The following PUM2 variants were observed in gnomAD, a reference collection of about 807,000 sequenced individuals.
PUM2 encodes the protein pumilio homolog 2.
Under a neutral mutation model 124.5 loss-of-function variants are expected in PUM2, and 57 were observed. That is an observed-to-expected ratio of 0.46 (90% CI 0.37 to 0.57). The LOEUF (loss-of-function observed/expected upper bound fraction) is 0.57. Among genes scored for constraint, PUM2 ranks in the 20% least tolerant of loss-of-function variants. The pLI, the probability that PUM2 is intolerant of heterozygous loss-of-function variation, is 0.00. For missense variants in PUM2, 1,065 were observed against 1,290.6 expected (o/e 0.83, Z 2.68); for synonymous variants, 460 against 446.1 (o/e 1.03, Z -0.39).
chr2:20,340,649 T>C (rs1687043983), intron 1 of PUM2, among the ~76,000 whole-genome samples: 1 of 152,234 alleles, frequency 6.6e-6, no homozygotes. Flanking sequence ...TTTTTATTAG[T>C]ATTTTTTAGG....
chr2:20,322,832 A>C lies in PUM2; in HGVS notation c.52-4187T>G, dbSNP rs78984569. On this transcript the variant is annotated intron_variant, in intron 2 of 20. Transcript: ENST00000361078. ...ACAAAAAACAAAAAACAAACAAAACAAACAACAACAACAACAAATGAAACA... is the reference window on the plus strand; with the variant it reads ...ACAAAAAACAAAAAACAAACAAAACCAACAACAACAACAACAAATGAAACA... Among the ~76,000 whole-genome samples, 1,114 of 152,168 alleles carry C rather than the reference A, an allele frequency of 7.3e-3. 20 individuals are homozygous for C. Among genetic ancestry groups the C allele is most frequent in the African/African-American group, 0.024 (1,001 of 41,506 alleles).
intron 12 of PUM2, among the ~76,000 whole-genome samples, chr2:20,280,115 C>G (rs1309424367): frequency 6.6e-6 from 1 of 151,860 alleles, no homozygotes; most frequent in Admixed American, 6.6e-5. Context: ...ATGGGTAGAC[C>G]AAGGTAAGAG....
chr2:20,284,366 T>C (rs891762705), intron 10 of PUM2, among the ~76,000 whole-genome samples: 10 of 152,156 alleles, frequency 6.6e-5, no homozygotes, highest in African/African-American at 1.7e-4. Flanking sequence ...AACTTTTTTT[T>C]CCCTTAAAGA....
chr2:20,350,842 C>T lies in PUM2; in HGVS notation c.-264G>A. On this transcript the variant is annotated 5_prime_UTR_variant, in exon 1 of 21. Transcript: ENST00000361078. ...TGGCTGCCACCGCCGCCTGCCCTCC[C>T]CTCCCCCCCGCCCACCGGGCGCGCG... 3 of 969,942 alleles carry T rather than the reference C, an allele frequency of 3.1e-6. No homozygotes were observed. Among genetic ancestry groups the T allele is most frequent in the Non-Finnish European group, 3.7e-6 (3 of 816,040 alleles). The allele number at this position is 969,942 out of a possible 1,614,324, so 60.1% of individuals were successfully genotyped here.
intron 3 of PUM2, among the ~76,000 whole-genome samples, chr2:20,314,232 G>T (rs2148648042): frequency 6.6e-6 from 1 of 152,194 alleles, no homozygotes; most frequent in Admixed American, 6.5e-5. Context: ...GTTACGCACT[G>T]GATAGATCAG....
In PUM2 at chr2:20,249,606, A is replaced by C. The variant is rs538387463; in HGVS notation, c.*1979T>G. The C allele has an allele frequency of 2.6e-5, 4 of 152,786 alleles. No homozygotes were observed. Among genetic ancestry groups the C allele is most frequent in the African/African-American group, 7.2e-5 (3 of 41,590 alleles). The allele number at this position is 152,786 out of a possible 1,614,324, so 9.5% of individuals were successfully genotyped here. On this transcript the variant is annotated 3_prime_UTR_variant, in exon 21 of 21. Coordinates refer to ENST00000361078, the MANE Select transcript of PUM2 (RefSeq NM_015317.5). ...TATTTTTAGGTTCATAATATGAACAACTAAGTGATAAAACCTTTAGATTCC... is the reference window on the plus strand; with the variant it reads ...TATTTTTAGGTTCATAATATGAACACCTAAGTGATAAAACCTTTAGATTCC...
intron 1 of PUM2, among the ~76,000 whole-genome samples, chr2:20,333,716 C>T (rs960077118): frequency 6.6e-6 from 1 of 152,072 alleles, no homozygotes; most frequent in African/African-American, 2.4e-5. Context: ...AGTTCAAGAC[C>T]AGCCCTTGCA....
In PUM2 at chr2:20,260,439, A is replaced by T; in HGVS notation, c.2253T>A (p.Ala751=). The T allele has an allele frequency of 6.2e-7, 1 of 1,609,554 alleles. No homozygotes were observed. Among genetic ancestry groups the T allele is most frequent in the South Asian group, 1.1e-5 (1 of 90,940 alleles). Residue 751 remains alanine (A), a synonymous_variant, in exon 15 of 21, where the codon GCT becomes GCA. Coordinates refer to ENST00000361078, the MANE Select transcript of PUM2 (RefSeq NM_015317.5). ...ATACCATCTGTCGCTCAGCTGGAGT[A>T]GCTCTCTCTAGTTTTTGCTGTATGA... ...SRFIQQKLER[A]TPAERQMVFN...
intron 7 of PUM2, among the ~76,000 whole-genome samples, chr2:20,304,373 T>C (rs1458343868): frequency 6.6e-6 from 1 of 152,240 alleles, no homozygotes; most frequent in Admixed American, 6.5e-5. Flanking sequence ...GCCAAGTACA[T>C]GGGTTAAGCC....
Position 20,258,650 on chromosome 2 carries a change from CTTTTT to C in PUM2, c.2356-284_2356-280del, listed in dbSNP as rs1057217780. ...TGAACATCTTTACAAAACCCTTCAT[CTTTTT>C]TTTTTTTTTTTTTTTTTTTTGTTGA... On this transcript the variant is annotated intron_variant, in intron 15 of 20. Transcript: ENST00000361078. 1.2e-3 allele frequency among the ~76,000 whole-genome samples: 108 copies of C among 93,852 alleles called. 1 individual carries two copies. The highest frequency in any genetic ancestry group is 2.0e-3 in the Non-Finnish European group (101 of 50,650). The allele number at this position is 93,852 out of a possible 152,430, so 61.6% of individuals were successfully genotyped here. A position where few individuals can be genotyped will look rare whatever the true frequency, so the allele number is the denominator to read the frequency against.
chr2:20,323,556 A>C (rs181817589), intron 2 of PUM2, among the ~76,000 whole-genome samples: 82 of 152,232 alleles, frequency 5.4e-4, no homozygotes, highest in Admixed American at 2.0e-4. Context: ...ACATGACTTA[A>C]CTTACTGACC....
chr2:20,259,073 C>T (rs1236812444), intron 15 of PUM2, among the ~76,000 whole-genome samples: 1 of 152,304 alleles, frequency 6.6e-6, no homozygotes, highest in East Asian at 1.9e-4. Context: ...GAGGAAAAAA[C>T]TGTTAAAGTC....
At chr2:20,275,871 C>T (rs1243968323) in intron 13 of PUM2, among the ~76,000 whole-genome samples, 2 of 152,018 alleles carry the variant, frequency 1.3e-5, no homozygotes. Flanking sequence ...CACATTAAGA[C>T]ATATCAAACA....
At chr2:20,276,627 T>C (rs1670330658) in intron 13 of PUM2, among the ~76,000 whole-genome samples, 1 of 152,038 alleles carries the variant, frequency 6.6e-6, no homozygotes, top group Non-Finnish European at 1.5e-5. Context: ...TTGGACAGCC[T>C]TGCATCATGA....
chr2:20,326,982 C>T (rs1314903109), intron 2 of PUM2, among the ~76,000 whole-genome samples: 2 of 151,562 alleles, frequency 1.3e-5, no homozygotes, highest in East Asian at 3.9e-4. Flanking sequence ...GCAAACACAG[C>T]ATACATATAT....
chr2:20,318,498 A>C, intron 3 of PUM2, 39 bp downstream of exon 3: 1 of 1,530,642 alleles, frequency 6.5e-7, no homozygotes, highest in Non-Finnish European at 9.0e-7. Context: ...TAAAATGCTA[A>C]ATATATTCAC....
At position 20,249,709 on chromosome 2, in the gene PUM2, T is replaced by G. The variant is rs1662841879; in HGVS notation, c.*1876A>C. On this transcript the variant is annotated 3_prime_UTR_variant, in exon 21 of 21. Transcript: ENST00000361078. ...TCTCTTCCATATTCAGCTGACAGAA[T>G]AGCATGTTCATTTTAGTTTTCAGCA... 6.6e-6 allele frequency: 1 copy of G among 152,644 alleles called. No homozygotes were observed. Among genetic ancestry groups the G allele is most frequent in the South Asian group, 2.1e-4 (1 of 4,830 alleles). 9.5% of individuals were successfully genotyped at this position (152,644 alleles called of 1,614,324 possible). A position where few individuals can be genotyped will look rare whatever the true frequency, so the allele number is the denominator to read the frequency against.
At chr2:20,342,568 GA>G (rs1687436687) in intron 1 of PUM2, among the ~76,000 whole-genome samples, 1 of 152,202 alleles carries the variant, frequency 6.6e-6, no homozygotes, top group Non-Finnish European at 1.5e-5. Context: ...TGTGAGGTAT[GA>G]AATATATTCA....
intron 1 of PUM2, among the ~76,000 whole-genome samples, chr2:20,335,587 T>C (rs976435424): frequency 5.9e-5 from 9 of 152,318 alleles, no homozygotes; most frequent in Admixed American, 2.6e-4. Context: ...AAATCAACAG[T>C]CTGTTTTCTA....
Sources: gnomAD v4.1 joint callset for allele counts (sites outside exome capture counted in the v4.1 genomes callset) on GRCh38, gnomAD v4.1.1 for gene constraint, MANE v1.5 for transcripts, NCBI Gene and HGNC (gene_info 2026-07-23, HGNC 2026-07-21) for gene names.